The following NTRK2 variants were observed in gnomAD, a reference collection of about 807,000 sequenced individuals.
NTRK2 encodes the protein neurotrophic receptor tyrosine kinase 2, also known as BDNF/NT-3 growth factors receptor.
A neutral mutation model predicts 94.5 loss-of-function variants in NTRK2; 13 were observed. The observed-to-expected ratio is 0.14, with a 90% CI of 0.09 to 0.22. The LOEUF (loss-of-function observed/expected upper bound fraction) is 0.22. Ranked by LOEUF, NTRK2 falls within the 10% of genes least tolerant of loss-of-function variation. The pLI, the probability that NTRK2 is intolerant of heterozygous loss-of-function variation, is 1.00. For missense variants in NTRK2, 639 were observed against 1,071.2 expected, an observed-to-expected ratio of 0.60 and a Z score of 5.63; for synonymous variants, 372 against 407.4, an observed-to-expected ratio of 0.91 and a Z score of 1.05.
At chr9:84,901,406 G>A (rs557462417) in intron 14 of NTRK2, among the ~76,000 whole-genome samples, 14 of 151,710 alleles carry the variant, frequency 9.2e-5, no homozygotes, top group Admixed American at 5.3e-4. Context: ...GTGTGTGTGT[G>A]TATTTTTAGT....
chr9:84,748,544 CTGTGAA>C (rs919355041), intron 11 of NTRK2, among the ~76,000 whole-genome samples: 14 of 152,164 alleles, frequency 9.2e-5, no homozygotes, highest in Admixed American at 6.5e-5. Flanking sequence ...GCAAGGTGTC[CTGTGAA>C]CGCAGGGATC....
rs115897219 is a variant in NTRK2 at position 85,002,497 on chromosome 9, C to A, written c.2173-17709C>A. ...CCTAATTTTTTCACTCCAGGGGTAA[C>A]CACTTTTTCCACTTTCAAATAATGG... On this transcript the variant is annotated intron_variant, in intron 17 of 18. Transcript: ENST00000277120. 6.7e-3 allele frequency among the ~76,000 whole-genome samples: 1,020 copies of A among 152,250 alleles called. 15 individuals are homozygous for A. The highest frequency in any genetic ancestry group is 0.024 in the African/African-American group (982 of 41,532).
intron 14 of NTRK2, chr9:84,874,562 T>C: frequency 9.4e-7 from 1 of 1,064,142 alleles, no homozygotes; most frequent in South Asian, 4.5e-5. Context: ...TTTTTCTTGA[T>C]TGTTCTTCTT....
chr9:84,808,707 C>T (rs2071408657), intron 12 of NTRK2, among the ~76,000 whole-genome samples: 1 of 152,196 alleles, frequency 6.6e-6, no homozygotes, highest in African/African-American at 2.4e-5. Flanking sequence ...TTCCTAAATT[C>T]TTAGGGCTTT....
In NTRK2 at chr9:84,678,402, G is replaced by A. The variant is rs140946817; in HGVS notation, c.212+7442G>A. On this transcript the variant is annotated intron_variant, in intron 2 of 18. Transcript: ENST00000277120. ...AATGTAAACAAAATTGAAAGGTATCGGAATTTTGGTTTCAACCTCTGCAAT... is the reference window on the plus strand; with the variant it reads ...AATGTAAACAAAATTGAAAGGTATCAGAATTTTGGTTTCAACCTCTGCAAT... 2.6e-3 allele frequency among the ~76,000 whole-genome samples: 401 copies of A among 152,250 alleles called. 3 individuals carry two copies. Among genetic ancestry groups the A allele is most frequent in the Non-Finnish European group, 3.8e-3 (261 of 68,010 alleles).
Position 85,024,493 on chromosome 9 carries a change from G to A in NTRK2, c.*3056G>A, listed in dbSNP as rs1429745275. 2 of 229,374 alleles carry A rather than the reference G, an allele frequency of 8.7e-6. No homozygotes were observed. The highest frequency in any genetic ancestry group is 4.5e-5 in the African/African-American group (2 of 44,202). 14.2% of individuals were successfully genotyped at this position (229,374 alleles called of 1,614,324 possible). On this transcript the variant is annotated 3_prime_UTR_variant, in exon 19 of 19. Coordinates refer to ENST00000277120, the MANE Select transcript of NTRK2 (RefSeq NM_006180.6). Reference sequence around the variant, plus strand: ...AATTATTCCTATTTTGTGTAGATGAGGACGTTGAGACTCAGAGACATTCAG... The same window carrying A: ...AATTATTCCTATTTTGTGTAGATGAAGACGTTGAGACTCAGAGACATTCAG...
At chr9:84,681,100 T>A (rs1436090868) in intron 2 of NTRK2, among the ~76,000 whole-genome samples, 2 of 152,202 alleles carry the variant, frequency 1.3e-5, no homozygotes, top group Admixed American at 6.5e-5. Context: ...ATCACCCTCA[T>A]CCATTACTTA....
rs369724047 is a variant in NTRK2 at position 85,020,283 on chromosome 9, C to T, written c.2250C>T (p.Ser750=). Residue 750 remains serine (S), a synonymous_variant, in exon 18 of 19, where the codon AGC becomes AGT. Transcript: ENST00000277120. ...TGTACAGGAAATTCACGACGGAAAGCGACGTCTGGAGCCTGGGGGTCGTGT... is the reference window on the plus strand; with the variant it reads ...TGTACAGGAAATTCACGACGGAAAGTGACGTCTGGAGCCTGGGGGTCGTGT... ...SIMYRKFTTE[S]DVWSLGVVLW... is the part of the protein sequence containing the mutation. 3.3e-5 allele frequency: 53 copies of T among 1,614,050 alleles called. No homozygotes were observed. The highest frequency in any genetic ancestry group is 4.4e-5 in the South Asian group (4 of 91,076).
rs922235352 is a variant in NTRK2 at position 85,025,934 on chromosome 9, G to A, written c.*4497G>A. 1.3e-4 allele frequency: 31 copies of A among 232,504 alleles called. No homozygotes were observed. The highest frequency in any genetic ancestry group is 8.4e-4 in the Admixed American group (15 of 17,760). 14.4% of individuals were successfully genotyped at this position (232,504 alleles called of 1,614,324 possible). A position where few individuals can be genotyped will look rare whatever the true frequency, so the allele number is the denominator to read the frequency against. On this transcript the variant is annotated 3_prime_UTR_variant, in exon 19 of 19. Coordinates refer to ENST00000277120, the MANE Select transcript of NTRK2 (RefSeq NM_006180.6). The stretch of plus-strand genomic sequence containing the variant: ...GAGGGGTGGGAGGGATTTATAGTTA[G>A]AAACGACAGTGCAGGAAGGGGTATT...
rs780138051 is a variant in NTRK2, at chr9:84,875,211, CT to C, written c.1633+7781del. 5.2e-4 allele frequency: 552 copies of C among 1,058,116 alleles called. 1 individual carries two copies. Among genetic ancestry groups the C allele is most frequent in the Non-Finnish European group, 6.2e-4 (543 of 874,834 alleles). The allele number at this position is 1,058,116 out of a possible 1,614,324, so 65.5% of individuals were successfully genotyped here. The stretch of plus-strand genomic sequence containing the variant: ...TCTGTTAATATTTCTATAGTAATGG[CT>C]CACTTTGGGGAGATTGTGCTGCACA... On this transcript the variant is annotated intron_variant, in intron 14 of 18. Transcript: ENST00000277120.
chr9:84,989,356 T>C (rs1828762150), intron 17 of NTRK2, among the ~76,000 whole-genome samples: 1 of 152,218 alleles, frequency 6.6e-6, no homozygotes, highest in South Asian at 2.1e-4. Flanking sequence ...TATTTATATA[T>C]TTATTAACTA....
At chr9:84,903,710 C>T (rs754062763) in intron 14 of NTRK2, among the ~76,000 whole-genome samples, 3 of 150,628 alleles carry the variant, frequency 2.0e-5, no homozygotes, top group Non-Finnish European at 4.4e-5. Flanking sequence ...TCCTTCCTTC[C>T]TTCCTTCTTT....
rs1173199220 is a variant in NTRK2, at chr9:84,706,521, G to GTTTTTTTTTTT, written c.360-1318_360-1317insTTTTTTTTTTT. 4.7e-4 allele frequency among the ~76,000 whole-genome samples: 45 copies of GTTTTTTTTTTT among 95,362 alleles called. 5 individuals are homozygous for GTTTTTTTTTTT. The highest frequency in any genetic ancestry group is 7.9e-4 in the South Asian group (2 of 2,518). 62.6% of individuals were successfully genotyped at this position (95,362 alleles called of 152,430 possible). ...TCAGATCTCATGTGTGTTATTTTTT[G>GTTTTTTTTTTT]TTTTTGTTTTTTTTTTTTTTTTTTT... On this transcript the variant is annotated intron_variant, in intron 4 of 18. Coordinates refer to ENST00000277120, the MANE Select transcript of NTRK2 (RefSeq NM_006180.6).
At chr9:84,955,036 C>T (rs146424718) in intron 16 of NTRK2, among the ~76,000 whole-genome samples, 2 of 152,212 alleles carry the variant, frequency 1.3e-5, no homozygotes, top group Non-Finnish European at 1.5e-5. Context: ...TTCAGGCCCA[C>T]GGGGTCCTGG....
intron 14 of NTRK2, among the ~76,000 whole-genome samples, chr9:84,882,907 A>G (rs912784597): frequency 1.3e-5 from 2 of 152,012 alleles, no homozygotes; most frequent in Non-Finnish European, 2.9e-5. Context: ...GAGACTACAG[A>G]CAGGCACTAC....
intron 2 of NTRK2, among the ~76,000 whole-genome samples, chr9:84,692,169 GA>G (rs2060086090): frequency 6.6e-6 from 1 of 152,128 alleles, no homozygotes; most frequent in Admixed American, 6.5e-5. Context: ...TGTGACCTAT[GA>G]AAGATCTGAG....
At chr9:84,831,655 C>T (rs564147619) in intron 12 of NTRK2, among the ~76,000 whole-genome samples, 156 of 152,306 alleles carry the variant, frequency 1.0e-3, no homozygotes, top group Non-Finnish European at 1.7e-3. Flanking sequence ...ATGACTTACT[C>T]GAGGTGACGG....
chr9:84,898,727 T>A (rs930806096), intron 14 of NTRK2, among the ~76,000 whole-genome samples: 1 of 151,954 alleles, frequency 6.6e-6, no homozygotes, highest in Non-Finnish European at 1.5e-5. Context: ...TTCTCTTTTT[T>A]TTCCTCGCTC....
At chr9:84,837,773 T>G (rs1177760407) in intron 12 of NTRK2, among the ~76,000 whole-genome samples, 1 of 152,198 alleles carries the variant, frequency 6.6e-6, no homozygotes, top group Non-Finnish European at 1.5e-5. Context: ...TAACTTTTCT[T>G]TTAAAAATTG....
Sources: gnomAD v4.1 joint callset for allele counts (sites outside exome capture counted in the v4.1 genomes callset) on GRCh38, gnomAD v4.1.1 for gene constraint, MANE v1.5 for transcripts, NCBI Gene and HGNC (gene_info 2026-07-23, HGNC 2026-07-21) for gene names.